Variants in LRRC7 observed in about 807,000 individuals in gnomAD.
LRRC7 encodes leucine rich repeat containing 7, also known as leucine-rich repeat-containing protein 7.
In LRRC7, 23 loss-of-function variants were observed where a neutral mutation model predicts 175.7. The observed-to-expected ratio is 0.13, with a 90% CI of 0.09 to 0.19. The LOEUF (loss-of-function observed/expected upper bound fraction) is 0.19. Among genes scored for constraint, LRRC7 ranks in the 10% least tolerant of loss-of-function variants. The pLI, the probability that LRRC7 is intolerant of heterozygous loss-of-function variation, is 1.00. For missense variants in LRRC7, 1,354 were observed against 1,904.7 expected (o/e 0.71, Z 5.38); for synonymous variants, 685 against 680.9 (o/e 1.01, Z -0.09).
At chr1:70,009,984 AC>A (rs765716352) in intron 11 of LRRC7, among the ~76,000 whole-genome samples, 3 of 152,216 alleles carry the variant, frequency 2.0e-5, no homozygotes, top group Middle Eastern at 3.4e-3. Flanking sequence ...AATCATCATG[AC>A]CCACTATCAC....
chr1:69,587,620 C>T (rs1035496146), intron 1 of LRRC7, among the ~76,000 whole-genome samples: 2 of 152,200 alleles, frequency 1.3e-5, no homozygotes, highest in African/African-American at 2.4e-5. Context: ...GTAATCTCCA[C>T]GTGTTGAGGG....
chr1:69,889,704 G>T (rs933041290), intron 7 of LRRC7, among the ~76,000 whole-genome samples: 3 of 152,124 alleles, frequency 2.0e-5, no homozygotes, highest in Non-Finnish European at 2.9e-5. Context: ...CTACTCAGGA[G>T]GCTGAGGTGG....
At chr1:69,689,985 A>T (rs1661632395) in intron 2 of LRRC7, among the ~76,000 whole-genome samples, 1 of 152,202 alleles carries the variant, frequency 6.6e-6, no homozygotes, top group Non-Finnish European at 1.5e-5. Context: ...ATTGAAATCA[A>T]GTTAATGCAA....
intron 9 of LRRC7, among the ~76,000 whole-genome samples, chr1:69,984,333 G>A (rs1653729744): frequency 6.6e-6 from 1 of 152,062 alleles, no homozygotes; most frequent in African/African-American, 2.4e-5. Context: ...TATATATAAA[G>A]TACTTAGTAT....
chr1:69,689,502 G>T (rs1033977857), intron 2 of LRRC7, among the ~76,000 whole-genome samples: 1 of 152,090 alleles, frequency 6.6e-6, no homozygotes, highest in African/African-American at 2.4e-5. Context: ...TGTATGTATA[G>T]TTTCACAAAT....
chr1:69,879,791 G>A (rs1686416530), intron 7 of LRRC7: 3 of 152,208 alleles, frequency 2.0e-5, no homozygotes, highest in African/African-American at 7.2e-5. Flanking sequence ...GGTCGGAAAC[G>A]GAGCAGGTCA....
chr1:70,065,695 G>A (rs746361735), intron 23 of LRRC7, among the ~76,000 whole-genome samples: 1 of 151,906 alleles, frequency 6.6e-6, no homozygotes, highest in Non-Finnish European at 1.5e-5. Context: ...AAACAAAGAT[G>A]AATCACAGCA....
intron 24 of LRRC7, among the ~76,000 whole-genome samples, chr1:70,084,632 G>A (rs550622138): frequency 3.9e-5 from 6 of 152,270 alleles, no homozygotes; most frequent in Non-Finnish European, 8.8e-5. Context: ...ACAAATTTGT[G>A]TGGAGATATA....
intron 7 of LRRC7, among the ~76,000 whole-genome samples, chr1:69,871,113 A>G (rs1401862796): frequency 6.6e-6 from 1 of 152,122 alleles, no homozygotes; most frequent in African/African-American, 2.4e-5. Context: ...TATACAATGT[A>G]TTTTAAGAAT....
chr1:69,843,801 T>G (rs1024801208), intron 7 of LRRC7, among the ~76,000 whole-genome samples: 6 of 152,118 alleles, frequency 3.9e-5, no homozygotes, highest in Non-Finnish European at 8.8e-5. Context: ...AGGAAAGATA[T>G]TAGATCATGA....
intron 7 of LRRC7, among the ~76,000 whole-genome samples, chr1:69,871,924 A>G (rs1685590987): frequency 2.0e-5 from 3 of 152,020 alleles, no homozygotes; most frequent in African/African-American, 7.2e-5. Flanking sequence ...TTCTAATGTA[A>G]GTAATAATTA....
At chr1:69,807,702 C>T (rs1677299910) in intron 4 of LRRC7, among the ~76,000 whole-genome samples, 1 of 151,978 alleles carries the variant, frequency 6.6e-6, no homozygotes, top group Non-Finnish European at 1.5e-5. Context: ...GTGGGTAACC[C>T]GAACTTTCTC....
At position 70,138,933 on chromosome 1, in the gene LRRC7, C is replaced by A. The variant is rs1666967796; in HGVS notation, c.*17046C>A. The A allele has an allele frequency of 6.6e-6, 1 of 152,202 alleles. No individual in the cohort carries two copies. 9.4% of individuals were successfully genotyped at this position (152,202 alleles called of 1,614,324 possible). Reference sequence around the variant, plus strand: ...AGCAGTCTCTATCATATGTTAAATTCAAAGGCATAGCTGCTCGTGAAGACC... The same window carrying A: ...AGCAGTCTCTATCATATGTTAAATTAAAAGGCATAGCTGCTCGTGAAGACC... On this transcript the variant is annotated 3_prime_UTR_variant, in exon 27 of 27. Transcript: ENST00000651989.
At chr1:69,670,960 G>A (rs1052523947) in intron 1 of LRRC7, among the ~76,000 whole-genome samples, 3 of 152,120 alleles carry the variant, frequency 2.0e-5, no homozygotes, top group Admixed American at 6.5e-5. Context: ...CAGGAGTCGA[G>A]GCCTGGAACT....
intron 3 of LRRC7, among the ~76,000 whole-genome samples, chr1:69,781,086 A>G (rs1367453613): frequency 5.9e-5 from 9 of 152,182 alleles, no homozygotes; most frequent in Non-Finnish European, 1.5e-5. Context: ...GCATGAGTAT[A>G]AGGATGTTAA....
intron 23 of LRRC7, among the ~76,000 whole-genome samples, chr1:70,069,942 C>T (rs912791192): frequency 3.3e-5 from 5 of 152,078 alleles, no homozygotes; most frequent in African/African-American, 9.7e-5. Flanking sequence ...GCTCTAAAAT[C>T]TCCATTTGTT....
At chr1:69,977,231 T>G (rs1184096186) in intron 8 of LRRC7, among the ~76,000 whole-genome samples, 1 of 152,194 alleles carries the variant, frequency 6.6e-6, no homozygotes, top group African/African-American at 2.4e-5. Context: ...CCAGCCCTGT[T>G]AAGTTTCCTG....
chr1:69,714,395 A>C (rs998797050), intron 2 of LRRC7, among the ~76,000 whole-genome samples: 1 of 152,232 alleles, frequency 6.6e-6, no homozygotes, highest in Non-Finnish European at 1.5e-5. Context: ...CTTATGAAAA[A>C]GTTACAGTTT....
At chr1:69,618,785 A>G (rs929243023) in intron 1 of LRRC7, among the ~76,000 whole-genome samples, 38 of 152,312 alleles carry the variant, frequency 2.5e-4, no homozygotes, top group Middle Eastern at 3.4e-3. Flanking sequence ...AAGCTATAGG[A>G]TCCTGTAAAC....
Sources: gnomAD v4.1 joint callset for allele counts (sites outside exome capture counted in the v4.1 genomes callset) on GRCh38, gnomAD v4.1.1 for gene constraint, MANE v1.5 for transcripts, NCBI Gene and HGNC (gene_info 2026-07-23, HGNC 2026-07-21) for gene names.